TFB1M: variants seen among roughly 807,000 people sequenced by gnomAD.
TFB1M encodes transcription factor B1, mitochondrial.
A neutral mutation model predicts 31.1 loss-of-function variants in TFB1M; 27 were observed. That is an observed-to-expected ratio of 0.87 (90% CI 0.64 to 1.20). TFB1M has a LOEUF of 1.20. TFB1M is among the 50% of genes most tolerant of loss of function. TFB1M has a pLI of 0.00. For synonymous variants in TFB1M, 166 were observed against 151.8 expected, an observed-to-expected ratio of 1.09 and a Z score of -0.69; for missense variants, 394 against 418.7, an observed-to-expected ratio of 0.94 and a Z score of 0.51.
chr6:155,252,727 T>C (rs1783742426), downstream of TFB1M, among the ~76,000 whole-genome samples: 1 of 152,238 alleles, frequency 6.6e-6, no homozygotes, highest in African/African-American at 2.4e-5. Context: ...CTTTGAGACC[T>C]GTAACTGCTT....
intron 2 of TFB1M, among the ~76,000 whole-genome samples, chr6:155,305,785 C>A (rs1777739490): frequency 8.2e-6 from 1 of 122,146 alleles, no homozygotes; most frequent in Non-Finnish European, 1.6e-5. Context: ...ATAAATAAAA[C>A]AAATTTTTAG....
chr6:155,239,611 G>C, the TFB1M span, among the ~76,000 whole-genome samples: 2 of 152,242 alleles, frequency 1.3e-5, no homozygotes, highest in Non-Finnish European at 2.9e-5. Flanking sequence ...TGGTGCTTCT[G>C]TCTGAATAGG....
At chr6:155,282,047 G>T (rs964351473) in intron 5 of TFB1M, among the ~76,000 whole-genome samples, 24 of 152,152 alleles carry the variant, frequency 1.6e-4, no homozygotes, top group African/African-American at 5.8e-4. Context: ...CATTGCAAAA[G>T]ACATTGTCTT....
intron 5 of TFB1M, chr6:155,276,084 G>A (rs755092601): frequency 1.2e-6 from 2 of 1,614,154 alleles, no homozygotes; most frequent in South Asian, 1.1e-5. Context: ...TTTGCTGGAG[G>A]AGTCTGTTTC....
intron 2 of TFB1M, among the ~76,000 whole-genome samples, chr6:155,308,647 T>C (rs901264749): frequency 6.6e-6 from 1 of 152,226 alleles, no homozygotes; most frequent in Non-Finnish European, 1.5e-5. Context: ...TTCTTACCTT[T>C]ATAACATGCT....
intron 5 of TFB1M, among the ~76,000 whole-genome samples, chr6:155,263,848 A>G (rs1371090378): frequency 6.6e-6 from 1 of 152,004 alleles, no homozygotes; most frequent in East Asian, 1.9e-4. Context: ...GTTCAAGACC[A>G]TTAGAGGACA....
At chr6:155,252,974 C>T (rs369523558), downstream of TFB1M, 3 of 1,614,098 alleles carry the variant, frequency 1.9e-6, no homozygotes, top group Non-Finnish European at 8.5e-7. Flanking sequence ...CTGCACACAA[C>T]TCTACTGACT....
At chr6:155,314,165 C>T in intron 1 of TFB1M, 131 bp downstream of exon 1, 1 of 1,539,914 alleles carries the variant, frequency 6.5e-7, no homozygotes, top group East Asian at 2.5e-5. Context: ...ACAAAGAGGT[C>T]GAAGGACCTG....
At chr6:155,275,775 C>G (rs191128847) in intron 5 of TFB1M, 76 of 1,614,144 alleles carry the variant, frequency 4.7e-5, no homozygotes, top group Non-Finnish European at 2.5e-5. Flanking sequence ...TCTGGGGTCT[C>G]TGGAGTGCTC....
At chr6:155,275,725 C>G (rs1785160520) in intron 5 of TFB1M, 1 of 1,612,140 alleles carries the variant, frequency 6.2e-7, no homozygotes, top group African/African-American at 1.3e-5. Flanking sequence ...ACATCATGGC[C>G]TCAGCAGGAC....
At chr6:155,249,760 G>T in the TFB1M span, 1 of 1,095,396 alleles carries the variant, frequency 9.1e-7, no homozygotes. Context: ...CTGGAATCCT[G>T]AGTTGAATCT....
At chr6:155,261,660 C>A (rs1428228006) in intron 5 of TFB1M, among the ~76,000 whole-genome samples, 1 of 152,190 alleles carries the variant, frequency 6.6e-6, no homozygotes, top group Non-Finnish European at 1.5e-5. Flanking sequence ...GCCCCGGACC[C>A]CTGAGAGCTT....
chr6:155,250,863 T>C, the TFB1M span: 1 of 1,567,758 alleles, frequency 6.4e-7, no homozygotes, highest in Admixed American at 1.7e-5. Flanking sequence ...CAAGAGATCA[T>C]CTAGCCTGGG....
chr6:155,298,167 T>C (rs1777261651), intron 3 of TFB1M, among the ~76,000 whole-genome samples: 1 of 152,228 alleles, frequency 6.6e-6, no homozygotes, highest in Non-Finnish European at 1.5e-5. Flanking sequence ...TTTTTTCCAC[T>C]ATTTGGAACA....
At chr6:155,298,410 T>C (rs1362667882) in intron 3 of TFB1M, 67 bp downstream of exon 3, 4 of 838,970 alleles carry the variant, frequency 4.8e-6, no homozygotes, top group Non-Finnish European at 8.2e-6. Context: ...AAATGTATCA[T>C]AAAATGAACA....
chr6:155,267,703 G>C (rs1784723011), intron 5 of TFB1M, among the ~76,000 whole-genome samples: 1 of 152,200 alleles, frequency 6.6e-6, no homozygotes, highest in South Asian at 2.1e-4. Flanking sequence ...ACAGTGCTAT[G>C]TGCCCTGAGT....
chr6:155,293,714 A>C (rs929522789), intron 4 of TFB1M, among the ~76,000 whole-genome samples: 1 of 151,948 alleles, frequency 6.6e-6, no homozygotes, highest in South Asian at 2.1e-4. Flanking sequence ...TATGTCTCTC[A>C]TTTTTTCTTA....
chr6:155,254,630 G>A, downstream of TFB1M: 11 of 1,581,386 alleles, frequency 7.0e-6, no homozygotes, highest in Admixed American at 1.7e-5. Flanking sequence ...CTTCTGAAAA[G>A]GATATATGCT....
At chr6:155,280,211 T>C (rs909499869) in intron 5 of TFB1M, among the ~76,000 whole-genome samples, 1 of 152,150 alleles carries the variant, frequency 6.6e-6, no homozygotes, top group African/African-American at 2.4e-5. Flanking sequence ...CTTTGTCTAC[T>C]GGTAGGAAGC....
Sources: allele counts gnomAD v4.1 joint callset (sites outside exome capture counted in the v4.1 genomes callset), GRCh38; gene constraint gnomAD v4.1.1; transcripts MANE v1.5; gene names NCBI Gene and HGNC (gene_info 2026-07-23, HGNC 2026-07-21).